Variants in FAT3 observed in about 807,000 individuals in gnomAD.
The protein encoded by FAT3 is protocadherin Fat 3.
FAT3 carries 95 observed loss-of-function variants against 310.2 expected under a neutral mutation model. The observed-to-expected ratio is 0.31, with a 90% CI of 0.26 to 0.36. FAT3 has a LOEUF of 0.36. Among genes scored for constraint, FAT3 ranks in the 10% least tolerant of loss-of-function variants. The pLI, the probability that FAT3 is intolerant of heterozygous loss-of-function variation, is 1.00. For synonymous variants in FAT3, 2,314 were observed against 2,192.9 expected, an observed-to-expected ratio of 1.06 and a Z score of -1.54; for missense variants, 5,408 against 5,715.6, an observed-to-expected ratio of 0.95 and a Z score of 1.74.
intron 3 of FAT3, among the ~76,000 whole-genome samples, chr11:92,601,319 C>T (rs941022024): frequency 1.3e-5 from 2 of 151,468 alleles, no homozygotes; most frequent in African/African-American, 4.9e-5. Context: ...CGGCACTTTG[C>T]GAAGCTGAGG....
chr11:92,618,599 A>C (rs1940935848), intron 3 of FAT3, among the ~76,000 whole-genome samples: 1 of 152,202 alleles, frequency 6.6e-6, no homozygotes, highest in Non-Finnish European at 1.5e-5. Context: ...CTATTCGGCC[A>C]TCTTGGAACC....
intron 3 of FAT3, among the ~76,000 whole-genome samples, chr11:92,635,400 G>T (rs1941729792): frequency 6.6e-6 from 1 of 152,114 alleles, no homozygotes; most frequent in Admixed American, 6.6e-5. Flanking sequence ...CACTGGAATT[G>T]ATTTAATCTC....
chr11:92,485,370 GAAGTGCCCC>G (rs1454424415), intron 2 of FAT3, among the ~76,000 whole-genome samples: 4 of 152,296 alleles, frequency 2.6e-5, no homozygotes, highest in African/African-American at 9.6e-5. Flanking sequence ...TAGGGAGACT[GAAGTGCCCC>G]AAGCGCCCTG....
At chr11:92,777,116 A>C (rs1425914884) in intron 7 of FAT3, among the ~76,000 whole-genome samples, 1 of 152,238 alleles carries the variant, frequency 6.6e-6, no homozygotes, top group Non-Finnish European at 1.5e-5. Flanking sequence ...TGATTCTACC[A>C]TCAAACAGAT....
Position 92,276,716 on chromosome 11 carries a change from G to A in FAT3, c.-18+51542G>A, listed in dbSNP as rs77806453. Among the ~76,000 whole-genome samples the A allele has an allele frequency of 8.6e-3, 1,311 of 152,226 alleles. 37 individuals carry two copies. The highest frequency in any genetic ancestry group is 0.075 in the East Asian group (389 of 5,164). ...AGTTAGACCTACTGTTTGAAGCAGA[G>A]CCACTGGCCTACTTAGATCACAGCT... On this transcript the variant is annotated intron_variant, in intron 1 of 27. Coordinates refer to ENST00000525166, the MANE Select transcript of FAT3 (RefSeq NM_001367949.2).
intron 3 of FAT3, among the ~76,000 whole-genome samples, chr11:92,543,726 C>G (rs1243751057): frequency 6.6e-6 from 1 of 152,192 alleles, no homozygotes; most frequent in African/African-American, 2.4e-5. Context: ...TCAACACTCT[C>G]CGACCTTTAA....
At chr11:92,303,484 G>A (rs181250075) in intron 1 of FAT3, among the ~76,000 whole-genome samples, 2 of 152,204 alleles carry the variant, frequency 1.3e-5, no homozygotes, top group African/African-American at 2.4e-5. Context: ...ACCTAGATAT[G>A]TAACACATTG....
intron 4 of FAT3, among the ~76,000 whole-genome samples, chr11:92,745,428 T>C (rs1268841350): frequency 4.6e-5 from 7 of 152,152 alleles, no homozygotes; most frequent in Non-Finnish European, 1.5e-5. Context: ...GTAGTCACCA[T>C]TGTACTAAAG....
chr11:92,443,709 G>A (rs1951135247), intron 2 of FAT3, among the ~76,000 whole-genome samples: 1 of 152,116 alleles, frequency 6.6e-6, no homozygotes, highest in South Asian at 2.1e-4. Context: ...CTATTTCTCA[G>A]CGAGTACCTC....
intron 3 of FAT3, among the ~76,000 whole-genome samples, chr11:92,616,464 T>A (rs908914369): frequency 2.6e-5 from 4 of 152,198 alleles, no homozygotes; most frequent in Non-Finnish European, 4.4e-5. Context: ...ATTGGAGCAT[T>A]TAGCCCATTT....
chr11:92,401,792 G>GC (rs1196581916), intron 2 of FAT3, among the ~76,000 whole-genome samples: 3 of 152,206 alleles, frequency 2.0e-5, no homozygotes, highest in Admixed American at 6.5e-5. Context: ...GAACAAAGAA[G>GC]CCTGCTATAG....
chr11:92,493,859 A>T (rs145757101), intron 2 of FAT3, among the ~76,000 whole-genome samples: 114 of 152,130 alleles, frequency 7.5e-4, no homozygotes, highest in African/African-American at 2.6e-3. Context: ...ACCACATGGG[A>T]AGTGAAGACA....
At chr11:92,494,527 CAT>C (rs749807039) in intron 2 of FAT3, among the ~76,000 whole-genome samples, 16 of 151,996 alleles carry the variant, frequency 1.1e-4, no homozygotes, top group Non-Finnish European at 2.4e-4. Context: ...ATGTAACAAA[CAT>C]GTAGTGTGTC....
chr11:92,483,308 T>A (rs979974977), intron 2 of FAT3, among the ~76,000 whole-genome samples: 1 of 152,016 alleles, frequency 6.6e-6, no homozygotes, highest in African/African-American at 2.4e-5. Flanking sequence ...CATCTTTTTT[T>A]ATCTGTTATT....
chr11:92,825,160 G>T (rs1456437144), intron 13 of FAT3, among the ~76,000 whole-genome samples: 1 of 152,138 alleles, frequency 6.6e-6, no homozygotes, highest in Admixed American at 6.5e-5. Context: ...ATTTGCAATG[G>T]ACATATATGT....
intron 3 of FAT3, among the ~76,000 whole-genome samples, chr11:92,657,136 C>CA (rs1236924044): frequency 2.0e-5 from 3 of 152,108 alleles, no homozygotes; most frequent in East Asian, 3.9e-4. Context: ...TTTCAGATCT[C>CA]TTTGTATAAA....
intron 2 of FAT3, among the ~76,000 whole-genome samples, chr11:92,432,794 G>T (rs189174879): frequency 6.6e-6 from 1 of 152,150 alleles, no homozygotes; most frequent in Non-Finnish European, 1.5e-5. Flanking sequence ...CTTCAGAGCC[G>T]GTAGGGAGGA....
rs144406075 is a variant in FAT3, at chr11:92,878,819, A to C, written c.12128-1912A>C. On this transcript the variant is annotated intron_variant, in intron 22 of 27. Coordinates refer to ENST00000525166, the MANE Select transcript of FAT3 (RefSeq NM_001367949.2). ...ATAAAGTTAGAGGAAGGTCCAGGAG[A>C]TCTGAGATCCAAAAAATAGAAGTTC... Among the ~76,000 whole-genome samples the C allele has an allele frequency of 2.3e-3, 350 of 151,838 alleles. 2 individuals are homozygous for C. Among genetic ancestry groups the C allele is most frequent in the Non-Finnish European group, 3.7e-3 (252 of 67,918 alleles).
At chr11:92,322,474 T>C (rs1366959519) in intron 1 of FAT3, among the ~76,000 whole-genome samples, 8 of 152,204 alleles carry the variant, frequency 5.3e-5, no homozygotes, top group Non-Finnish European at 2.9e-5. Flanking sequence ...AGGACAACAA[T>C]GAAATTGTCC....
Sources: gnomAD v4.1 joint callset for allele counts (sites outside exome capture counted in the v4.1 genomes callset) on GRCh38, gnomAD v4.1.1 for gene constraint, MANE v1.5 for transcripts, NCBI Gene and HGNC (gene_info 2026-07-23, HGNC 2026-07-21) for gene names.